C1orf159: variants seen among roughly 807,000 people sequenced by gnomAD.
C1orf159 encodes uncharacterized protein C1orf159.
In C1orf159, 19 loss-of-function variants were observed where a neutral mutation model predicts 25.6. That is an observed-to-expected ratio of 0.74 (90% CI 0.52 to 1.09). The LOEUF (loss-of-function observed/expected upper bound fraction) is 1.09, where lower values mean the gene tolerates loss of function less well. C1orf159 is among the 50% of genes least tolerant of loss of function. The probability of loss-of-function intolerance (pLI) is 0.00; values close to 1 mark genes in which losing one functional copy is unlikely to be tolerated. For missense variants in C1orf159, 274 were observed against 290.6 expected (o/e 0.94, Z 0.42); for synonymous variants, 139 against 124.7 (o/e 1.12, Z -0.77).
intron 1 of C1orf159, among the ~76,000 whole-genome samples, chr1:1,107,746 C>T (rs1331553902): frequency 6.6e-6 from 1 of 152,164 alleles, no homozygotes; most frequent in African/African-American, 2.4e-5. Flanking sequence ...CCACTCGGGT[C>T]CCCTTCCACA....
rs925572375 is a variant in C1orf159 at position 1,110,532 on chromosome 1, G to C, written c.-136+5528C>G. On this transcript the variant is annotated intron_variant, in intron 1 of 9. Transcript: ENST00000421241. The surrounding 1 kb of genome is among the most constrained non-coding windows in gnomAD (Gnocchi z 4.8). ...GTGTGCGAATGGCAACAGATGAGTG[G>C]ACAGTGCTCAACACGGGTGAGCGTC... Among the ~76,000 whole-genome samples the C allele has an allele frequency of 2.6e-5, 4 of 151,306 alleles. No homozygotes were observed. Among genetic ancestry groups the C allele is most frequent in the African/African-American group, 4.9e-5 (2 of 40,616 alleles).
At chr1:1,102,044 C>T (rs1646107393) in intron 1 of C1orf159, among the ~76,000 whole-genome samples, 1 of 132,160 alleles carries the variant, frequency 7.6e-6, no homozygotes, top group Non-Finnish European at 1.5e-5. Context: ...GCACTCCAGC[C>T]TGGGCGACAA....
At chr1:1,083,737 G>A (rs1420115271) in intron 9 of C1orf159, 30 of 637,796 alleles carry the variant, frequency 4.7e-5, no homozygotes, top group South Asian at 9.7e-5. Flanking sequence ...GACGGGGCAC[G>A]TCCAGCCTTG....
rs1228110044 is a variant in C1orf159 at position 1,110,254 on chromosome 1, G to A, written c.-136+5806C>T. Among the ~76,000 whole-genome samples the A allele has an allele frequency of 6.6e-6, 1 of 152,158 alleles. No homozygotes were observed. Among genetic ancestry groups the A allele is most frequent in the Admixed American group, 6.5e-5 (1 of 15,278 alleles). The stretch of plus-strand genomic sequence containing the variant: ...TGTGTCCAACCTCCCATCCTTTTAT[G>A]GCCGGAAACTCAATTTTTAAGGTTT... On this transcript the variant is annotated intron_variant, in intron 1 of 9. Transcript: ENST00000421241. This position sits in a 1 kb window ranked among gnomAD's most constrained non-coding sequence, Gnocchi z 4.8.
In C1orf159 at chr1:1,088,941, T is replaced by TG. The variant is rs776699351; in HGVS notation, c.149-1345dup. Among the ~76,000 whole-genome samples the TG allele has an allele frequency of 3.9e-5, 6 of 152,326 alleles. No individual in the cohort carries two copies. The East Asian group carries it at 1.2e-3, about 29-fold the overall frequency. ...CTCTCCCAGCACTGGGGGCAGCCTC[T>TG]GTCTCCCGGCATCTCCTGGCACAGG... is the stretch of plus-strand genomic sequence containing the variant. On this transcript the variant is annotated intron_variant, in intron 4 of 9. Coordinates refer to ENST00000421241, the MANE Select transcript of C1orf159 (RefSeq NM_017891.5).
At chr1:1,088,877 G>T (rs1053833078) in intron 4 of C1orf159, among the ~76,000 whole-genome samples, 2 of 152,176 alleles carry the variant, frequency 1.3e-5, no homozygotes, top group Admixed American at 1.3e-4. Flanking sequence ...TTGGAAGAAT[G>T]GAAGTCCACC....
intron 7 of C1orf159, among the ~76,000 whole-genome samples, chr1:1,084,739 G>T (rs902769241): frequency 6.6e-6 from 1 of 152,084 alleles, no homozygotes. Flanking sequence ...AGGTGCGGGG[G>T]CCTCCCTAGC....
chr1:1,090,965 C>G, intron 3 of C1orf159: 1 of 1,550,274 alleles, frequency 6.5e-7, no homozygotes, highest in Non-Finnish European at 8.7e-7. Flanking sequence ...TTGATCACAG[C>G]TGTGCTGTTT....
chr1:1,094,193 G>A (rs1262705390), intron 1 of C1orf159, among the ~76,000 whole-genome samples: 1 of 151,680 alleles, frequency 6.6e-6, no homozygotes. Context: ...GACCTCCAGG[G>A]CTTACGCGAT....
intron 1 of C1orf159, among the ~76,000 whole-genome samples, chr1:1,100,851 G>C (rs1413421680): frequency 6.6e-6 from 1 of 152,096 alleles, no homozygotes; most frequent in Non-Finnish European, 1.5e-5. Context: ...GCAAAATGTA[G>C]ACATGTAGAC....
Position 1,087,168 on chromosome 1 carries a change from C to T in C1orf159, c.281G>A (p.Ser94Asn), listed in dbSNP as rs762656803. The T allele has an allele frequency of 1.6e-5, 26 of 1,610,560 alleles. No homozygotes were observed. The Admixed American group carries it at 4.3e-4, about 27-fold the overall frequency. The change falls in exon 6 of 10, where the codon AGC becomes AAC. Residue 94 changes from serine to asparagine, a missense_variant. By Grantham distance (46) the Ser-to-Asn change is conservative. Coordinates refer to ENST00000421241, the MANE Select transcript of C1orf159 (RefSeq NM_017891.5). This position sits in a 1 kb window ranked among gnomAD's most constrained non-coding sequence, Gnocchi z 8.3. ...GPGAPFPMNR[S>N]SGTPGRPHPG... The stretch of plus-strand genomic sequence containing the variant: ...ATGTGGCCGCCCGGGGGTCCCTGAG[C>T]TTCTGTTCATGGGGAATGGCGCACC...
chr1:1,091,432 T>G, intron 3 of C1orf159, 40 bp downstream of exon 3: 1 of 1,529,144 alleles, frequency 6.5e-7, no homozygotes, highest in Non-Finnish European at 8.9e-7. Context: ...CCACAGAGGC[T>G]CTGGCTTAGG....
At chr1:1,105,890 A>C (rs1272430931) in intron 1 of C1orf159, 1 of 152,190 alleles carries the variant, frequency 6.6e-6, no homozygotes, top group Admixed American at 6.5e-5. Flanking sequence ...CAAACAAATA[A>C]ATAAATAAAT....
At chr1:1,115,813 C>T (rs1646331695) in intron 1 of C1orf159, among the ~76,000 whole-genome samples, 3 of 145,972 alleles carry the variant, frequency 2.1e-5, no homozygotes, top group African/African-American at 7.6e-5. Context: ...CCGCTCAGCC[C>T]GGGCGCCTTT....
chr1:1,086,426 C>T (rs1472179658), intron 6 of C1orf159, among the ~76,000 whole-genome samples: 1 of 152,234 alleles, frequency 6.6e-6, no homozygotes, highest in Non-Finnish European at 1.5e-5. Context: ...CTCAAGCTGG[C>T]AGCAGGTGCT....
chr1:1,108,614 A>G (rs1207532405), intron 1 of C1orf159, among the ~76,000 whole-genome samples: 1 of 101,342 alleles, frequency 9.9e-6, no homozygotes, highest in Non-Finnish European at 2.0e-5. Flanking sequence ...CGTTCACCAC[A>G]GCCACCATGT....
At chr1:1,084,564 C>T (rs1645799291) in intron 7 of C1orf159, 58 bp from the exon 8 acceptor site, 3 of 1,545,534 alleles carry the variant, frequency 1.9e-6, no homozygotes. Flanking sequence ...CAACCTCAGC[C>T]CAGTGCAGCG....
At chr1:1,090,824 T>C in intron 3 of C1orf159, 1 of 1,460,514 alleles carries the variant, frequency 6.8e-7, no homozygotes, top group South Asian at 1.2e-5. Flanking sequence ...GGGGACGAAT[T>C]CACGCCCAGG....
intron 4 of C1orf159, among the ~76,000 whole-genome samples, chr1:1,088,696 C>T (rs1180220125): frequency 2.0e-5 from 3 of 152,128 alleles, no homozygotes; most frequent in African/African-American, 7.2e-5. Flanking sequence ...CTCTTGATGC[C>T]GACTGCGGTG....
Sources: allele counts gnomAD v4.1 joint callset (sites outside exome capture counted in the v4.1 genomes callset), GRCh38; gene constraint gnomAD v4.1.1; non-coding constraint Gnocchi (gnomAD v3.1); transcripts MANE v1.5; gene names NCBI Gene and HGNC (gene_info 2026-07-23, HGNC 2026-07-21).